The following ASPH variants were observed in gnomAD, a reference collection of about 807,000 sequenced individuals.
ASPH encodes aspartate beta-hydroxylase, also known as aspartyl/asparaginyl beta-hydroxylase.
ASPH carries 100 observed loss-of-function variants against 118.4 expected under a neutral mutation model. The ratio of observed to expected loss-of-function variants is 0.84; its 90% confidence interval spans 0.72 to 1.00. The LOEUF is 1.00. Among genes scored for constraint, ASPH ranks in the 50% least tolerant of loss-of-function variants. ASPH has a pLI of 0.00. For synonymous variants in ASPH, 315 were observed against 325.6 expected (o/e 0.97, Z 0.35); for missense variants, 920 against 919.5 (o/e 1.00, Z -0.01).
At chr8:61,555,779 A>G (rs1827654075) in intron 19 of ASPH, 145 bp downstream of exon 19, 6 of 653,330 alleles carry the variant, frequency 9.2e-6, no homozygotes, top group Non-Finnish European at 1.5e-5. Context: ...CACGCTGCTT[A>G]TGAATGTCAT....
At chr8:61,606,531 T>C (rs1156590241) in intron 14 of ASPH, 2 of 152,220 alleles carry the variant, frequency 1.3e-5, no homozygotes, top group Non-Finnish European at 2.9e-5. Context: ...GATATTTTAA[T>C]TGTGGTAGCT....
chr8:61,526,030 T>C lies in ASPH; in HGVS notation c.1847A>G (p.Asp616Gly), dbSNP rs1034444526. Residue 616 changes from aspartate (D) to glycine (G), a missense_variant, in exon 22 of 25, where the codon GAT (aspartate) becomes GGT (glycine). By Grantham distance (94) the Asp-to-Gly change is moderately conservative. Transcript: ENST00000379454. ...GTCCCCTTTTTCCCTCAGGTTTTCATCCTCAGGCAGGAAGAGACCTTTGGC... is the reference window on the plus strand; with the variant it reads ...GTCCCCTTTTTCCCTCAGGTTTTCACCCTCAGGCAGGAAGAGACCTTTGGC... Reference protein sequence around the residue: ...DKAKGLFLPEDENLREKGDWS... With the variant: ...DKAKGLFLPEGENLREKGDWS... 5 of 1,614,056 alleles carry C rather than the reference T, an allele frequency of 3.1e-6. No individual in the cohort carries two copies. In the South Asian group the frequency reaches 3.3e-5, roughly 11 times the overall value.
chr8:61,537,340 TA>T (rs1235527460), intron 21 of ASPH, among the ~76,000 whole-genome samples: 1 of 152,186 alleles, frequency 6.6e-6, no homozygotes, highest in Admixed American at 6.5e-5. Flanking sequence ...GACAAAGAGA[TA>T]AACAAATTGC....
chr8:61,556,162 C>T, intron 18 of ASPH, 140 bp from the exon 19 acceptor site: 1 of 675,514 alleles, frequency 1.5e-6, no homozygotes. Flanking sequence ...GCTGAAAACA[C>T]CATAGTACTT....
chr8:61,517,160 T>C (rs1811197197), intron 24 of ASPH: 2 of 180,760 alleles, frequency 1.1e-5, no homozygotes, highest in Admixed American at 5.6e-5. Flanking sequence ...GGGTACTTCT[T>C]GTAGTCATGA....
At chr8:61,660,063 T>G (rs925080040) in intron 3 of ASPH, 1 of 152,070 alleles carries the variant, frequency 6.6e-6, no homozygotes, top group Non-Finnish European at 1.5e-5. Flanking sequence ...TATTGCGTGA[T>G]ATTGAAATTT....
Position 61,624,617 on chromosome 8 carries a change from A to G in ASPH, c.935-5598T>C, listed in dbSNP as rs1247633549. On this transcript the variant is annotated intron_variant, in intron 13 of 24. Coordinates refer to ENST00000379454, the MANE Select transcript of ASPH (RefSeq NM_004318.4). ...TTTTTAGAAAATCCACCGATGTTGC[A>G]CAATGGCACATATTTGTAAAGACAA... 4 of 985,324 alleles carry G rather than the reference A, an allele frequency of 4.1e-6. No individual in the cohort carries two copies. The East Asian group carries it at 4.5e-4, about 112-fold the overall frequency. 61.0% of individuals were successfully genotyped at this position (985,324 alleles called of 1,614,324 possible). A position where few individuals can be genotyped will look rare whatever the true frequency, so the allele number is the denominator to read the frequency against.
chr8:61,515,829 C>A lies in ASPH; in HGVS notation c.2126+1699G>T, dbSNP rs369140044. Reference sequence around the variant, plus strand: ...ATTCCTGTATCACACATTCAAGAGTCACCTCTTGCATCTGCTCTCTAGTCT... The same window carrying A: ...ATTCCTGTATCACACATTCAAGAGTAACCTCTTGCATCTGCTCTCTAGTCT... On this transcript the variant is annotated intron_variant, in intron 24 of 24. Coordinates refer to ENST00000379454, the MANE Select transcript of ASPH (RefSeq NM_004318.4). 1.3e-4 allele frequency among the ~76,000 whole-genome samples: 20 copies of A among 152,286 alleles called. No homozygotes were observed. The East Asian group carries it at 2.9e-3, about 22-fold the overall frequency.
Position 61,503,212 on chromosome 8 carries a change from CTGACCCTAGGAGGAGGCTT to C in ASPH, c.*128_*146del. 1.1e-6 allele frequency: 1 copy of C among 935,684 alleles called. No individual in the cohort carries two copies. Among genetic ancestry groups the C allele is most frequent in the Non-Finnish European group, 1.5e-6 (1 of 670,402 alleles). The allele number at this position is 935,684 out of a possible 1,614,324, so 58.0% of individuals were successfully genotyped here. A position where few individuals can be genotyped will look rare whatever the true frequency, so the allele number is the denominator to read the frequency against. On this transcript the variant is annotated 3_prime_UTR_variant, in exon 25 of 25. Transcript: ENST00000379454. ...AGGCAAATATTCCCTTTAGTGTCTTCTGACCCTAGGAGGAGGCTTTGAATTACTCGGGCTGCAAGTCAAG... is the reference window on the plus strand; with the variant it reads ...AGGCAAATATTCCCTTTAGTGTCTTCTGAATTACTCGGGCTGCAAGTCAAG...
chr8:61,517,916 G>T, intron 23 of ASPH, 116 bp downstream of exon 23: 2 of 1,175,502 alleles, frequency 1.7e-6, no homozygotes, highest in Non-Finnish European at 2.4e-6. Flanking sequence ...AGTAAAAAGG[G>T]CATGTAAAAA....
Position 61,662,883 on chromosome 8 carries a change from T to C in ASPH, c.323-9223A>G, listed in dbSNP as rs961233311. 23 of 984,418 alleles carry C rather than the reference T, an allele frequency of 2.3e-5. No individual in the cohort carries two copies. The African/African-American group carries it at 3.7e-4, about 16-fold the overall frequency. 61.0% of individuals were successfully genotyped at this position (984,418 alleles called of 1,614,324 possible). On this transcript the variant is annotated intron_variant, in intron 3 of 24. Coordinates refer to ENST00000379454, the MANE Select transcript of ASPH (RefSeq NM_004318.4). Reference sequence around the variant, plus strand: ...TTATGTGCTTTTGATGATTAGGTTATTCCAAAATATTTTCACTCATTTGTT... The same window carrying C: ...TTATGTGCTTTTGATGATTAGGTTACTCCAAAATATTTTCACTCATTTGTT...
intron 14 of ASPH, among the ~76,000 whole-genome samples, chr8:61,590,767 G>C (rs1318378003): frequency 6.6e-6 from 1 of 152,060 alleles, no homozygotes; most frequent in African/African-American, 2.4e-5. Flanking sequence ...AATATGGCAT[G>C]AACATTGACA....
intron 3 of ASPH, among the ~76,000 whole-genome samples, chr8:61,671,768 C>T (rs1822681060): frequency 1.3e-5 from 2 of 152,166 alleles, no homozygotes; most frequent in South Asian, 4.1e-4. Flanking sequence ...TTGGCAACTG[C>T]CTCAGGCCAT....
chr8:61,676,216 A>T, intron 3 of ASPH: 1 of 1,597,948 alleles, frequency 6.3e-7, no homozygotes, highest in Non-Finnish European at 8.5e-7. Context: ...TATCATAGAG[A>T]AATGAGAGGA....
intron 24 of ASPH, among the ~76,000 whole-genome samples, chr8:61,506,631 C>G (rs1196313716): frequency 2.0e-5 from 3 of 152,072 alleles, no homozygotes; most frequent in African/African-American, 7.2e-5. Flanking sequence ...CTTATGGGAC[C>G]TAAGGTGAGC....
At chr8:61,695,262 T>G (rs1470761143) in intron 1 of ASPH, among the ~76,000 whole-genome samples, 5 of 152,236 alleles carry the variant, frequency 3.3e-5, no homozygotes, top group Admixed American at 1.3e-4. Context: ...TTAAATCTGA[T>G]TATAGCACTG....
intron 24 of ASPH, among the ~76,000 whole-genome samples, chr8:61,514,573 G>T (rs1206667964): frequency 6.6e-6 from 1 of 152,076 alleles, no homozygotes; most frequent in Admixed American, 6.6e-5. Flanking sequence ...GCCAGGTGTG[G>T]TGGCGGGTGC....
chr8:61,626,404 T>C (rs555410285), intron 13 of ASPH: 4 of 1,266,034 alleles, frequency 3.2e-6, no homozygotes, highest in Admixed American at 7.9e-5. Flanking sequence ...TTGGTGTTTG[T>C]TTTTAAGGAC....
chr8:61,588,460 G>A (rs906322075), intron 14 of ASPH, among the ~76,000 whole-genome samples: 1 of 152,182 alleles, frequency 6.6e-6, no homozygotes, highest in Non-Finnish European at 1.5e-5. Flanking sequence ...ATGGGGAGAA[G>A]TTGATCATCA....
Sources: gnomAD v4.1 joint callset for allele counts (sites outside exome capture counted in the v4.1 genomes callset) on GRCh38, gnomAD v4.1.1 for gene constraint, MANE v1.5 for transcripts, NCBI Gene and HGNC (gene_info 2026-07-23, HGNC 2026-07-21) for gene names.